DIS3L2: variants seen among roughly 807,000 people sequenced by gnomAD.
The protein encoded by DIS3L2 is DIS3 like 3'-5' exoribonuclease 2.
DIS3L2 carries 34 observed loss-of-function variants against 97.5 expected under a neutral mutation model. That is an observed-to-expected ratio of 0.35 (90% CI 0.27 to 0.46). DIS3L2 has a LOEUF of 0.46. Among genes scored for constraint, DIS3L2 ranks in the 20% least tolerant of loss-of-function variants. DIS3L2 has a pLI of 1.00. For synonymous variants in DIS3L2, 435 were observed against 445.2 expected, an observed-to-expected ratio of 0.98 and a Z score of 0.29; for missense variants, 1,038 against 1,146.0, an observed-to-expected ratio of 0.91 and a Z score of 1.36.
chr2:232,113,066 T>C (rs1697587897), intron 6 of DIS3L2, among the ~76,000 whole-genome samples: 1 of 152,108 alleles, frequency 6.6e-6, no homozygotes, highest in Non-Finnish European at 1.5e-5. Flanking sequence ...TGCTTAGAGC[T>C]CTGGATTGTG....
chr2:232,000,345 T>C (rs1207339858), intron 1 of DIS3L2, among the ~76,000 whole-genome samples: 1 of 152,230 alleles, frequency 6.6e-6, no homozygotes, highest in Admixed American at 6.5e-5. Context: ...TGCCGTGATA[T>C]ACAATAGATC....
At position 232,333,985 on chromosome 2, in the gene DIS3L2, T is replaced by TAGGTG; in HGVS notation, c.2158+2_2158+6dup. ...GTGCACCGCCTCCTGGCTGCCGCGT[T>TAGGTG]AGGTGAGGGGTGCAGTCGGGGTCAG... On this transcript the variant is annotated frameshift_variant and splice_region_variant, in exon 17 of 21. Transcript: ENST00000325385. LOFTEE classifies it high-confidence loss of function. 1 of 1,609,948 alleles carries TAGGTG rather than the reference T, an allele frequency of 6.2e-7. No individual in the cohort carries two copies. The highest frequency in any genetic ancestry group is 8.5e-7 in the Non-Finnish European group (1 of 1,178,432).
At chr2:232,333,201 C>CTGT (rs1427634449) in intron 16 of DIS3L2, among the ~76,000 whole-genome samples, 1 of 84,940 alleles carries the variant, frequency 1.2e-5, no homozygotes, top group African/African-American at 8.1e-5. Flanking sequence ...TCCTCCTCCT[C>CTGT]CTCCTCCTCC....
At chr2:232,198,297 A>G (rs1171308448) in intron 9 of DIS3L2, among the ~76,000 whole-genome samples, 2 of 152,196 alleles carry the variant, frequency 1.3e-5, no homozygotes, top group African/African-American at 4.8e-5. Context: ...GACCTCTCCT[A>G]TGTTTATAAA....
intron 10 of DIS3L2, among the ~76,000 whole-genome samples, chr2:232,215,020 A>G (rs1288346217): frequency 6.6e-6 from 1 of 152,202 alleles, no homozygotes; most frequent in Non-Finnish European, 1.5e-5. Flanking sequence ...GGTGACGAAA[A>G]TGTTCTGGAA....
intron 5 of DIS3L2, among the ~76,000 whole-genome samples, chr2:232,049,563 A>G (rs1180910436): frequency 6.6e-6 from 1 of 152,162 alleles, no homozygotes; most frequent in African/African-American, 2.4e-5. Context: ...AGCCCTCACC[A>G]GATGCTGGTG....
chr2:231,971,301 T>C (rs1361102597), intron 1 of DIS3L2, among the ~76,000 whole-genome samples: 1 of 151,386 alleles, frequency 6.6e-6, no homozygotes, highest in African/African-American at 2.4e-5. Flanking sequence ...AGAGTCTCAG[T>C]CTTTCGCCAG....
chr2:232,029,562 G>C (rs905919758), intron 4 of DIS3L2, among the ~76,000 whole-genome samples: 1 of 152,004 alleles, frequency 6.6e-6, no homozygotes, highest in African/African-American at 2.4e-5. Context: ...ATCACGTGAT[G>C]AATCTCATAT....
intron 5 of DIS3L2, among the ~76,000 whole-genome samples, chr2:232,070,170 T>C (rs1490906417): frequency 6.6e-6 from 1 of 152,170 alleles, no homozygotes; most frequent in Non-Finnish European, 1.5e-5. Flanking sequence ...AGTCCTTCTA[T>C]CTCTGTTAGA....
At chr2:232,083,277 ACCCCCCC>A (rs60496520) in intron 5 of DIS3L2, among the ~76,000 whole-genome samples, 2,361 of 136,572 alleles carry the variant, frequency 0.017, 81 homozygotes, top group Non-Finnish European at 0.024. Flanking sequence ...TACAATTTAT[ACCCCCCC>A]CCCCCCCCCC....
chr2:232,059,111 T>C (rs1048304720), intron 5 of DIS3L2, among the ~76,000 whole-genome samples: 1 of 152,210 alleles, frequency 6.6e-6, no homozygotes, highest in Admixed American at 6.5e-5. Flanking sequence ...AAGTCAGCTG[T>C]AAAAATTTGT....
At chr2:232,005,822 A>G (rs2106209604) in intron 1 of DIS3L2, among the ~76,000 whole-genome samples, 1 of 152,340 alleles carries the variant, frequency 6.6e-6, no homozygotes, top group East Asian at 1.9e-4. Context: ...TGAAAAACTT[A>G]TAGTAAGAGA....
chr2:231,967,516 T>C (rs1416065753), intron 1 of DIS3L2, among the ~76,000 whole-genome samples: 1 of 152,240 alleles, frequency 6.6e-6, no homozygotes, highest in Non-Finnish European at 1.5e-5. Context: ...TTTAAAAGGT[T>C]GAATGCAAAA....
chr2:232,215,961 C>G (rs555881743), intron 10 of DIS3L2, among the ~76,000 whole-genome samples: 3 of 152,270 alleles, frequency 2.0e-5, no homozygotes, highest in South Asian at 4.1e-4. Flanking sequence ...AAGACTCTTC[C>G]CCAGCAATCA....
At position 232,336,610 on chromosome 2, in the gene DIS3L2, G is replaced by C; in HGVS notation, c.2638G>C (p.Glu880Gln). 6.2e-7 allele frequency: 1 copy of C among 1,606,130 alleles called. No homozygotes were observed. The highest frequency in any genetic ancestry group is 8.5e-7 in the Non-Finnish European group (1 of 1,179,386). Residue 880 changes from glutamate (E) to glutamine (Q), a missense_variant, in exon 21 of 21, where the codon GAG (glutamate) becomes CAG (glutamine). Glu to Gln is a conservative substitution (Grantham distance 29). Coordinates refer to ENST00000325385, the MANE Select transcript of DIS3L2 (RefSeq NM_152383.5). ...GGAGGAGGAGTCTGACGGTGAGCCC[G>C]AGGACTCAAGCACCAGCTGAGCTCC... ...KEEEESDGEP[E>Q]DSSTS
chr2:232,169,999 G>T (rs1690939795), intron 9 of DIS3L2, among the ~76,000 whole-genome samples: 1 of 152,136 alleles, frequency 6.6e-6, no homozygotes, highest in South Asian at 2.1e-4. Context: ...CCTCCTGATT[G>T]GGGTCACCAT....
downstream of DIS3L2, among the ~76,000 whole-genome samples, chr2:232,339,435 A>G (rs1696059524): frequency 6.6e-6 from 1 of 152,132 alleles, no homozygotes. Context: ...GGAAGGGCTG[A>G]GAGGGGACAG....
At chr2:232,252,620 G>A (rs529608457) in intron 12 of DIS3L2, among the ~76,000 whole-genome samples, 1 of 152,310 alleles carries the variant, frequency 6.6e-6, no homozygotes, top group South Asian at 2.1e-4. Context: ...AGTTGGTTGG[G>A]CCAGGCACAG....
rs777377355 is a variant in DIS3L2 at position 232,030,105 on chromosome 2, T to C, written c.366+25T>C. On this transcript the variant is annotated intron_variant, in intron 5 of 20. Coordinates refer to ENST00000325385, the MANE Select transcript of DIS3L2 (RefSeq NM_152383.5). ...GGTGAGTTAAGTTTTCCCTTTCTAA[T>C]TACAGATTTCTTAGGGTCTTTCACA... 9 of 1,597,888 alleles carry C rather than the reference T, an allele frequency of 5.6e-6. No individual in the cohort carries two copies. The Admixed American group carries it at 1.4e-4, about 24-fold the overall frequency.
Sources: allele counts gnomAD v4.1 joint callset (sites outside exome capture counted in the v4.1 genomes callset), GRCh38; gene constraint gnomAD v4.1.1; transcripts MANE v1.5; gene names NCBI Gene and HGNC (gene_info 2026-07-23, HGNC 2026-07-21).